The following KLHL29 variants were observed in gnomAD, a reference collection of about 807,000 sequenced individuals.
KLHL29 encodes kelch-like protein 29.
A neutral mutation model predicts 80.4 loss-of-function variants in KLHL29; 21 were observed. That is an observed-to-expected ratio of 0.26 (90% CI 0.19 to 0.38). KLHL29 has a LOEUF of 0.38. Among genes scored for constraint, KLHL29 ranks in the 10% least tolerant of loss-of-function variants. The pLI, the probability that KLHL29 is intolerant of heterozygous loss-of-function variation, is 1.00. For missense variants in KLHL29, 867 were observed against 1,223.9 expected, an observed-to-expected ratio of 0.71 and a Z score of 4.35; for synonymous variants, 511 against 526.8, an observed-to-expected ratio of 0.97 and a Z score of 0.41.
At chr2:23,490,247 T>C (rs1356594501) in intron 2 of KLHL29, among the ~76,000 whole-genome samples, 1 of 152,078 alleles carries the variant, frequency 6.6e-6, no homozygotes, top group Non-Finnish European at 1.5e-5. Flanking sequence ...TTGTAGGCCA[T>C]TGAAGCCAAT....
chr2:23,574,100 G>A (rs1351254601), intron 3 of KLHL29, among the ~76,000 whole-genome samples: 1 of 152,174 alleles, frequency 6.6e-6, no homozygotes, highest in Non-Finnish European at 1.5e-5. Flanking sequence ...GGATGTTTGT[G>A]TATGTTGGGG....
chr2:23,642,922 C>A (rs1669814681), intron 5 of KLHL29, 72 bp downstream of exon 5: 1 of 1,510,832 alleles, frequency 6.6e-7, no homozygotes, highest in Middle Eastern at 1.7e-4. Context: ...TGCAACACCA[C>A]CGGGACAGGG....
At chr2:23,451,760 AC>A (rs1259707584) in intron 1 of KLHL29, among the ~76,000 whole-genome samples, 2 of 152,284 alleles carry the variant, frequency 1.3e-5, no homozygotes, top group East Asian at 3.9e-4. Context: ...GACCCAGAAA[AC>A]TGGCCCACAG....
At chr2:23,639,046 C>A in intron 3 of KLHL29, 93 bp from the exon 4 acceptor site, 3 of 1,278,130 alleles carry the variant, frequency 2.3e-6, no homozygotes, top group South Asian at 3.7e-5. Flanking sequence ...CAACTGGAGT[C>A]TTGTTTTGGA....
At position 23,562,053 on chromosome 2, in the gene KLHL29, G is replaced by A; in HGVS notation, c.-45-99G>A. 5 of 819,702 alleles carry A rather than the reference G, an allele frequency of 6.1e-6. No individual in the cohort carries two copies. The South Asian group carries it at 8.5e-5, about 14-fold the overall frequency. 50.8% of individuals were successfully genotyped at this position (819,702 alleles called of 1,614,324 possible). A position where few individuals can be genotyped will look rare whatever the true frequency, so the allele number is the denominator to read the frequency against. On this transcript the variant is annotated intron_variant, in intron 2 of 13. Coordinates refer to ENST00000486442, the MANE Select transcript of KLHL29 (RefSeq NM_052920.2). The surrounding 1 kb of genome is among the most constrained non-coding windows in gnomAD (Gnocchi z 4.5). Reference sequence around the variant, plus strand: ...CTCTGAAATGAGCTAATGTTTGAAGGCCTGTTATTGAACCCAGAGAAGGGG... The same window carrying A: ...CTCTGAAATGAGCTAATGTTTGAAGACCTGTTATTGAACCCAGAGAAGGGG...
intron 5 of KLHL29, among the ~76,000 whole-genome samples, chr2:23,664,762 G>A (rs1251741993): frequency 2.0e-5 from 3 of 151,808 alleles, no homozygotes; most frequent in African/African-American, 7.3e-5. Context: ...CAAGACAGCA[G>A]CCTGCCATGG....
intron 1 of KLHL29, among the ~76,000 whole-genome samples, chr2:23,414,722 C>T (rs748581152): frequency 6.6e-6 from 1 of 152,180 alleles, no homozygotes; most frequent in African/African-American, 2.4e-5. Context: ...ATAGCATAGC[C>T]CCAAATGCCC....
chr2:23,412,056 A>C (rs1457485587), intron 1 of KLHL29, among the ~76,000 whole-genome samples: 3 of 149,360 alleles, frequency 2.0e-5, no homozygotes, highest in Non-Finnish European at 4.4e-5. Flanking sequence ...GTGTTGTGGG[A>C]ATGTGAGGTG....
At chr2:23,443,491 C>CT (rs988899065) in intron 1 of KLHL29, among the ~76,000 whole-genome samples, 64 of 152,314 alleles carry the variant, frequency 4.2e-4, no homozygotes, top group African/African-American at 1.5e-3. Context: ...TAACCCTCCA[C>CT]TTTTTTCCCT....
At chr2:23,630,286 T>C (rs1213764447) in intron 3 of KLHL29, among the ~76,000 whole-genome samples, 1 of 152,170 alleles carries the variant, frequency 6.6e-6, no homozygotes, top group Admixed American at 6.5e-5. Context: ...GGGAGGGCTT[T>C]AGTATTATCC....
At chr2:23,520,436 A>T (rs1666056672) in intron 2 of KLHL29, among the ~76,000 whole-genome samples, 1 of 152,204 alleles carries the variant, frequency 6.6e-6, no homozygotes, top group African/African-American at 2.4e-5. Flanking sequence ...AAGCCTTCCC[A>T]GCCGGGGTGA....
intron 2 of KLHL29, chr2:23,532,516 C>T (rs963511032): frequency 6.6e-6 from 3 of 454,420 alleles, no homozygotes; most frequent in Admixed American, 4.7e-5. Context: ...GGATGTGCAT[C>T]GCCAAGGTTA....
intron 1 of KLHL29, among the ~76,000 whole-genome samples, chr2:23,443,565 A>C (rs1440792926): frequency 6.6e-6 from 1 of 152,146 alleles, no homozygotes; most frequent in African/African-American, 2.4e-5. Context: ...CACATAGTAC[A>C]TTTGCCCAGT....
At chr2:23,706,408 G>A (rs1304516171) in intron 13 of KLHL29, 73 bp from the exon 14 acceptor site, 7 of 1,222,304 alleles carry the variant, frequency 5.7e-6, no homozygotes, top group Admixed American at 3.5e-5. Context: ...AACAGGACAC[G>A]ACGTTGAGAA....
intron 1 of KLHL29, among the ~76,000 whole-genome samples, 151 bp from the exon 2 acceptor site, chr2:23,475,409 A>C (rs1664606000): frequency 1.0e-5 from 1 of 97,662 alleles, no homozygotes; most frequent in South Asian, 3.9e-4. Context: ...CATCAGGGAT[A>C]TCTGAGGCAG....
At chr2:23,404,353 G>T (rs1666674366) in intron 1 of KLHL29, among the ~76,000 whole-genome samples, 1 of 152,192 alleles carries the variant, frequency 6.6e-6, no homozygotes, top group South Asian at 2.1e-4. Context: ...TGCTGTTTAA[G>T]ATAATCAGAA....
rs190618929 is a variant in KLHL29, at chr2:23,521,870, C to G, written c.-45-40282C>G. Among the ~76,000 whole-genome samples, 26 of 152,292 alleles carry G rather than the reference C, an allele frequency of 1.7e-4. 1 individual carries two copies. The East Asian group carries it at 4.6e-3, about 27-fold the overall frequency. ...ATGATGCATCAATACTCAGGGGTCC[C>G]GTAGAGGTAGTTGGGACGTTTATCC... On this transcript the variant is annotated intron_variant, in intron 2 of 13. Coordinates refer to ENST00000486442, the MANE Select transcript of KLHL29 (RefSeq NM_052920.2).
chr2:23,671,194 T>G (rs1438280554), intron 5 of KLHL29, among the ~76,000 whole-genome samples: 1 of 151,896 alleles, frequency 6.6e-6, no homozygotes, highest in Non-Finnish European at 1.5e-5. Context: ...GCAAATCCTT[T>G]AAAACTATTT....
At chr2:23,471,548 A>G (rs548542839) in intron 1 of KLHL29, among the ~76,000 whole-genome samples, 4 of 152,328 alleles carry the variant, frequency 2.6e-5, no homozygotes, top group South Asian at 4.1e-4. Context: ...GTCAAAGTCA[A>G]TTAACATCTC....
Sources: gnomAD v4.1 joint callset for allele counts (sites outside exome capture counted in the v4.1 genomes callset) on GRCh38, gnomAD v4.1.1 for gene constraint, Gnocchi (gnomAD v3.1) non-coding constraint, MANE v1.5 for transcripts, NCBI Gene and HGNC (gene_info 2026-07-23, HGNC 2026-07-21) for gene names.